C3orf33: variants seen among roughly 807,000 people sequenced by gnomAD.
The protein encoded by C3orf33 is AP-1 activity suppressor.
A neutral mutation model predicts 28.7 loss-of-function variants in C3orf33; 23 were observed. The ratio of observed to expected loss-of-function variants is 0.80; its 90% CI spans 0.58 to 1.13. C3orf33 has a LOEUF of 1.13. Among genes scored for constraint, C3orf33 ranks in the 50% most tolerant of loss-of-function variants. The pLI, the probability that C3orf33 is intolerant of heterozygous loss-of-function variation, is 0.00. For missense variants in C3orf33, 327 were observed against 353.4 expected, an observed-to-expected ratio of 0.93 and a Z score of 0.60; for synonymous variants, 119 against 120.5, an observed-to-expected ratio of 0.99 and a Z score of 0.08.
intron 1 of C3orf33, among the ~76,000 whole-genome samples, chr3:155,804,531 A>G (rs1751758432): frequency 6.6e-6 from 1 of 152,216 alleles, no homozygotes; most frequent in Non-Finnish European, 1.5e-5. Context: ...GCATTTGCAA[A>G]GTTATCTTAC....
intron 2 of C3orf33, among the ~76,000 whole-genome samples, chr3:155,786,363 T>A (rs529511349): frequency 1.3e-5 from 2 of 152,202 alleles, no homozygotes; most frequent in South Asian, 4.2e-4. Flanking sequence ...GACAAATCTT[T>A]AGCTAAATGG....
chr3:155,805,539 G>C (rs1751784086), intron 1 of C3orf33: 1 of 450,110 alleles, frequency 2.2e-6, no homozygotes, highest in Non-Finnish European at 4.5e-6. Flanking sequence ...GGACAACATA[G>C]CAAGACTCCC....
intron 3 of C3orf33, among the ~76,000 whole-genome samples, chr3:155,772,813 C>T (rs866451120): frequency 1.9e-4 from 13 of 70,094 alleles, no homozygotes; most frequent in African/African-American, 4.7e-4. Flanking sequence ...TGTGTGTGTG[C>T]CTCCTCATTC....
chr3:155,787,771 C>A (rs1751172986), intron 2 of C3orf33, among the ~76,000 whole-genome samples: 2 of 151,954 alleles, frequency 1.3e-5, no homozygotes, highest in Non-Finnish European at 2.9e-5. Flanking sequence ...ACCTCAGCCT[C>A]CCAAAGTGCT....
chr3:155,778,068 T>C (rs1472775408), intron 2 of C3orf33, among the ~76,000 whole-genome samples: 1 of 140,360 alleles, frequency 7.1e-6, no homozygotes, highest in Non-Finnish European at 1.5e-5. Flanking sequence ...GAGAATCGCT[T>C]GAACCTGGGA....
intron 3 of C3orf33, among the ~76,000 whole-genome samples, chr3:155,775,072 T>G (rs1750699814): frequency 6.6e-6 from 1 of 152,202 alleles, no homozygotes; most frequent in South Asian, 2.1e-4. Flanking sequence ...GCACCTAGAC[T>G]ATAAGCTTCA....
chr3:155,769,016 A>G (rs1577411604), intron 3 of C3orf33, among the ~76,000 whole-genome samples: 1 of 152,110 alleles, frequency 6.6e-6, no homozygotes, highest in East Asian at 1.9e-4. Context: ...TCTCTACTAA[A>G]AATACAAAAA....
intron 3 of C3orf33, among the ~76,000 whole-genome samples, chr3:155,771,518 T>G (rs1455631109): frequency 6.6e-6 from 1 of 152,130 alleles, no homozygotes; most frequent in Non-Finnish European, 1.5e-5. Flanking sequence ...TCCACCTGCT[T>G]CAGCCTCCCA....
At chr3:155,789,811 A>G (rs554368169) in intron 2 of C3orf33, among the ~76,000 whole-genome samples, 3 of 152,326 alleles carry the variant, frequency 2.0e-5, no homozygotes, top group African/African-American at 7.2e-5. Context: ...ATAAATGCTC[A>G]CATATACAAT....
At chr3:155,781,408 GT>G (rs769159968) in intron 2 of C3orf33, among the ~76,000 whole-genome samples, 21 of 152,054 alleles carry the variant, frequency 1.4e-4, no homozygotes, top group Admixed American at 3.3e-4. Flanking sequence ...ATCACTTAAT[GT>G]TTCAATGTTC....
At chr3:155,781,263 C>A (rs567769044) in intron 2 of C3orf33, among the ~76,000 whole-genome samples, 1 of 150,640 alleles carries the variant, frequency 6.6e-6, no homozygotes, top group Non-Finnish European at 1.5e-5. Context: ...GCCTCGGCCT[C>A]CCAATAGACT....
At position 155,782,100 on chromosome 3, in the gene C3orf33, A is replaced by T. The variant is rs577295371; in HGVS notation, c.175-6252T>A. 1.5e-4 allele frequency among the ~76,000 whole-genome samples: 22 copies of T among 150,988 alleles called. No homozygotes were observed. In the South Asian group the frequency reaches 4.6e-3, roughly 32 times the overall value. ...GTGGTGGACTCATGTAATCCCAGCT[A>T]CTCAGCAGGCTGAGCCGAGATCATG... is the stretch of plus-strand genomic sequence containing the variant. On this transcript the variant is annotated intron_variant, in intron 2 of 4. Transcript: ENST00000340171.
chr3:155,763,450 G>T lies in C3orf33; in HGVS notation c.*67C>A. On this transcript the variant is annotated 3_prime_UTR_variant, in exon 5 of 5. Coordinates refer to ENST00000340171, the MANE Select transcript of C3orf33 (RefSeq NM_001308229.2). ...GGCAAAACTTCCATTTTGATTCAAT[G>T]AAAAACGTCCATATATTTACATATT... 4 of 1,224,658 alleles carry T rather than the reference G, an allele frequency of 3.3e-6. No individual in the cohort carries two copies. Among genetic ancestry groups the T allele is most frequent in the Non-Finnish European group, 4.3e-6 (4 of 939,674 alleles). 75.9% of individuals were successfully genotyped at this position (1,224,658 alleles called of 1,614,324 possible). A position where few individuals can be genotyped will look rare whatever the true frequency, so the allele number is the denominator to read the frequency against.
At chr3:155,793,666 C>T (rs1184977307) in intron 2 of C3orf33, among the ~76,000 whole-genome samples, 6 of 151,224 alleles carry the variant, frequency 4.0e-5, no homozygotes, top group East Asian at 4.0e-4. Context: ...AAAAATTAGC[C>T]GGGCATGGTG....
intron 2 of C3orf33, among the ~76,000 whole-genome samples, chr3:155,801,128 C>T (rs1006200150): frequency 1.3e-5 from 2 of 152,114 alleles, no homozygotes; most frequent in African/African-American, 4.8e-5. Flanking sequence ...GCCTGACCAA[C>T]ATGGTAAAAC....
intron 1 of C3orf33, among the ~76,000 whole-genome samples, chr3:155,805,879 G>A (rs570417837): frequency 6.6e-6 from 1 of 152,306 alleles, no homozygotes; most frequent in African/African-American, 2.4e-5. Flanking sequence ...CTCACCCTTT[G>A]AGGTGCCCCC....
At chr3:155,803,750 C>T (rs1327653192) in intron 1 of C3orf33, among the ~76,000 whole-genome samples, 2 of 146,726 alleles carry the variant, frequency 1.4e-5, no homozygotes, top group African/African-American at 5.1e-5. Flanking sequence ...GACGTGGTAG[C>T]ACACATCTGT....
intron 2 of C3orf33, among the ~76,000 whole-genome samples, chr3:155,790,634 TGGAGGGAG>T (rs1751286416): frequency 6.6e-6 from 1 of 152,090 alleles, no homozygotes; most frequent in Non-Finnish European, 1.5e-5. Flanking sequence ...CTGCGTGGCA[TGGAGGGAG>T]AATCTATGCA....
intron 1 of C3orf33, among the ~76,000 whole-genome samples, chr3:155,803,581 A>G (rs1751717769): frequency 6.9e-6 from 1 of 144,248 alleles, no homozygotes. Context: ...AAAAAAAAAA[A>G]AAAAGAAATG....
Sources: allele counts gnomAD v4.1 joint callset (sites outside exome capture counted in the v4.1 genomes callset), GRCh38; gene constraint gnomAD v4.1.1; transcripts MANE v1.5; gene names NCBI Gene and HGNC (gene_info 2026-07-23, HGNC 2026-07-21).